Variants in DOCK8 observed in about 807,000 individuals in gnomAD.
DOCK8 encodes the protein dedicator of cytokinesis 8, also known as dedicator of cytokinesis protein 8.
In DOCK8, 141 loss-of-function variants were observed where a neutral mutation model predicts 245.6. The ratio of observed to expected loss-of-function variants is 0.57; its 90% confidence interval spans 0.50 to 0.66. The LOEUF (loss-of-function observed/expected upper bound fraction) is 0.66. DOCK8 is among the 30% of genes least tolerant of loss of function. DOCK8 has a pLI of 0.00. For synonymous variants in DOCK8, 1,168 were observed against 970.2 expected (o/e 1.20, Z -3.79); for missense variants, 2,965 against 2,603.4 (o/e 1.14, Z -3.02).
At chr9:434,277 T>A (rs2056819168) in intron 38 of DOCK8, among the ~76,000 whole-genome samples, 1 of 152,208 alleles carries the variant, frequency 6.6e-6, no homozygotes, top group African/African-American at 2.4e-5. Context: ...TTATAGGAAT[T>A]ATTTTCCATA....
rs35482838 is a variant in DOCK8, at chr9:328,079, G to A, written c.952G>A (p.Ala318Thr). The change falls in exon 9 of 48, where the codon GCT (alanine) becomes ACT (threonine). Residue 318 changes from alanine to threonine, a missense_variant. Transcript: ENST00000432829. ...TGACCAGTTCAAAGGATTTCTGCGA[G>A]CTCACACGCCTTCAGTGGCCGCATC... ...NSDQFKGFLR[A>T]HTPSVAASSQ... 4.0e-3 allele frequency: 6,402 copies of A among 1,614,150 alleles called. 241 individuals are homozygous for A. In the African/African-American group the frequency reaches 0.076, roughly 19 times the overall value.
At chr9:357,347 T>G (rs1162277770) in intron 14 of DOCK8, among the ~76,000 whole-genome samples, 1 of 152,190 alleles carries the variant, frequency 6.6e-6, no homozygotes, top group Non-Finnish European at 1.5e-5. Context: ...TATCTCATAT[T>G]CAAATTGCAG....
chr9:445,924 T>G (rs2057238804), intron 43 of DOCK8, among the ~76,000 whole-genome samples: 1 of 152,236 alleles, frequency 6.6e-6, no homozygotes, highest in African/African-American at 2.4e-5. Context: ...ATTCCCACCC[T>G]CTGTGTATGA....
Position 428,451 on chromosome 9 carries a change from C to G in DOCK8, c.4428C>G (p.Thr1476=). 1 of 1,614,182 alleles carries G rather than the reference C, an allele frequency of 6.2e-7. No homozygotes were observed. The highest frequency in any genetic ancestry group is 8.5e-7 in the Non-Finnish European group (1 of 1,180,026). Reference sequence around the variant, plus strand: ...CTCTGAACTGTGATCAGAGTACCACCTACCTGACTCACTGCTTTGCAACAC... The same window carrying G: ...CTCTGAACTGTGATCAGAGTACCACGTACCTGACTCACTGCTTTGCAACAC... ...VNSLNCDQST[T]YLTHCFATLR... is the part of the protein sequence containing the mutation. The change falls in exon 35 of 48, where the codon ACC becomes ACG. Residue 1476 remains threonine (T), a synonymous_variant. Coordinates refer to ENST00000432829, the MANE Select transcript of DOCK8 (RefSeq NM_203447.4).
chr9:447,246 G>T (rs1480014339), intron 44 of DOCK8, among the ~76,000 whole-genome samples: 4 of 152,096 alleles, frequency 2.6e-5, no homozygotes, highest in Non-Finnish European at 5.9e-5. Flanking sequence ...CCACAGAATT[G>T]TTCAAAATTC....
intron 24 of DOCK8, among the ~76,000 whole-genome samples, chr9:395,182 C>G (rs1300999168): frequency 7.2e-5 from 11 of 152,130 alleles, no homozygotes; most frequent in Non-Finnish European, 1.5e-5. Context: ...ATGAAGCCAT[C>G]TCTGTGTCCC....
In DOCK8 at chr9:312,092, G is replaced by A; in HGVS notation, c.667G>A (p.Glu223Lys). Reference protein sequence around the residue: ...LLQQVSAEDFEKQNEEARRTN... With the variant: ...LLQQVSAEDFKKQNEEARRTN... ...GCAGCAAGTGAGTGCCGAGGACTTT[G>A]AGAAGCAGAACGAGGAGGCCCGGAG... Residue 223 changes from glutamate to lysine, a missense_variant, in exon 6 of 48, where the codon GAG (glutamate) becomes AAG (lysine). Physicochemically the swap from Glu to Lys is moderately conservative, Grantham distance 56. Coordinates refer to ENST00000432829, the MANE Select transcript of DOCK8 (RefSeq NM_203447.4). 6.2e-7 allele frequency: 1 copy of A among 1,614,228 alleles called. No individual in the cohort carries two copies. Among genetic ancestry groups the A allele is most frequent in the Non-Finnish European group, 8.5e-7 (1 of 1,180,032 alleles).
intron 31 of DOCK8, among the ~76,000 whole-genome samples, 158 bp downstream of exon 31, chr9:420,741 T>A (rs1183703674): frequency 1.3e-5 from 2 of 152,236 alleles, no homozygotes; most frequent in Non-Finnish European, 2.9e-5. Context: ...GATATGATCA[T>A]TTCACAGGGA....
chr9:401,084 ACCT>A (rs2055070720), intron 26 of DOCK8, among the ~76,000 whole-genome samples: 2 of 96,962 alleles, frequency 2.1e-5, no homozygotes, highest in South Asian at 5.8e-4. Flanking sequence ...CACCACCACC[ACCT>A]CCACCACCAT....
intron 1 of DOCK8, chr9:268,238 A>G (rs1251670469): frequency 6.6e-6 from 1 of 152,188 alleles, no homozygotes; most frequent in Non-Finnish European, 1.5e-5. Context: ...GACAGTTTTG[A>G]AGTGACAGGT....
intron 24 of DOCK8, among the ~76,000 whole-genome samples, chr9:393,062 G>A (rs10973745): frequency 0.026 from 3,480 of 131,864 alleles, 96 homozygotes; most frequent in African/African-American, 0.076. Flanking sequence ...CTCCAGCCTG[G>A]GCAACAGATT....
chr9:392,799 T>C (rs1375170983), intron 24 of DOCK8, among the ~76,000 whole-genome samples: 1 of 152,082 alleles, frequency 6.6e-6, no homozygotes, highest in African/African-American at 2.4e-5. Flanking sequence ...CATTCCCCTC[T>C]TGTTTCTTGA....
intron 44 of DOCK8, among the ~76,000 whole-genome samples, chr9:447,422 A>G (rs752619269): frequency 6.6e-6 from 1 of 152,022 alleles, no homozygotes; most frequent in South Asian, 2.1e-4. Flanking sequence ...CATGATTTTC[A>G]GTTTTGCTTT....
intron 22 of DOCK8, among the ~76,000 whole-genome samples, chr9:384,845 G>A (rs1263888324): frequency 7.9e-5 from 12 of 152,200 alleles, no homozygotes; most frequent in Admixed American, 5.2e-4. Flanking sequence ...GAACCCGGGA[G>A]GCGGAGCTTG....
intron 32 of DOCK8, 85 bp downstream of exon 32, chr9:421,163 C>A: frequency 6.5e-7 from 1 of 1,549,896 alleles, no homozygotes; most frequent in Non-Finnish European, 8.9e-7. Flanking sequence ...CATGATTAGA[C>A]ACCATTACTT....
At chr9:343,721 C>G (rs1014993558) in intron 14 of DOCK8, among the ~76,000 whole-genome samples, 24 of 152,294 alleles carry the variant, frequency 1.6e-4, no homozygotes, top group African/African-American at 5.8e-4. Context: ...TTTCGATTCT[C>G]TATTCCTTAG....
At chr9:307,738 C>T (rs1417396535) in intron 5 of DOCK8, among the ~76,000 whole-genome samples, 1 of 152,072 alleles carries the variant, frequency 6.6e-6, no homozygotes. Context: ...GAAAGGATAT[C>T]AGTATATCAA....
At chr9:447,626 A>G (rs531711202) in intron 44 of DOCK8, among the ~76,000 whole-genome samples, 1 of 152,346 alleles carries the variant, frequency 6.6e-6, no homozygotes, top group South Asian at 2.1e-4. Flanking sequence ...ATAGAAAGAA[A>G]TCTTTTTCTT....
In DOCK8 at chr9:428,368, T is replaced by A; in HGVS notation, c.4345T>A (p.Ser1449Thr). The change falls in exon 35 of 48, where the codon TCG becomes ACG. Residue 1449 changes from serine (S) to threonine (T), a missense_variant. Ser to Thr is a moderately conservative substitution (Grantham distance 58). This residue lies in a region of DOCK8 where 2,825 missense variants were observed against 2,453.5 expected (regional missense o/e 1.15). Coordinates refer to ENST00000432829, the MANE Select transcript of DOCK8 (RefSeq NM_203447.4). ...TGTTCTTCCATTCCCCCAGGCGAGC[T>A]CGGCTCTGGACTGTAAAGACAGCCT... ...DMQENIIQAS[S>T]ALDCKDSLLG... The A allele has an allele frequency of 1.9e-6, 3 of 1,614,142 alleles. No individual in the cohort carries two copies. The highest frequency in any genetic ancestry group is 2.5e-6 in the Non-Finnish European group (3 of 1,180,040).
Sources: gnomAD v4.1 joint callset for allele counts (sites outside exome capture counted in the v4.1 genomes callset) on GRCh38, gnomAD v4.1.1 for gene constraint, gnomAD v4.1.1 regional missense constraint, MANE v1.5 for transcripts, NCBI Gene and HGNC (gene_info 2026-07-23, HGNC 2026-07-21) for gene names.